LRRTM4: variants seen among roughly 807,000 people sequenced by gnomAD.
The protein encoded by LRRTM4 is leucine rich repeat transmembrane neuronal 4.
Under a neutral mutation model 47.6 loss-of-function variants are expected in LRRTM4, and 25 were observed. The ratio of observed to expected loss-of-function variants is 0.53; its 90% CI spans 0.38 to 0.73. The LOEUF (loss-of-function observed/expected upper bound fraction) is 0.73, where lower values mean the gene tolerates loss of function less well. Among genes scored for constraint, LRRTM4 ranks in the 30% least tolerant of loss-of-function variants. The probability of loss-of-function intolerance (pLI) is 0.00; values close to 1 mark genes in which losing one functional copy is unlikely to be tolerated. For synonymous variants in LRRTM4, 311 were observed against 269.5 expected (o/e 1.15, Z -1.51); for missense variants, 638 against 713.4 (o/e 0.89, Z 1.20).
At chr2:77,011,103 AAT>A (rs1217870780) in intron 3 of LRRTM4, among the ~76,000 whole-genome samples, 3 of 152,164 alleles carry the variant, frequency 2.0e-5, no homozygotes, top group Non-Finnish European at 4.4e-5. Flanking sequence ...GCAAGTCCCA[AAT>A]ATGAGGCACA....
intron 3 of LRRTM4, among the ~76,000 whole-genome samples, chr2:77,326,324 A>G (rs1355852390): frequency 6.6e-6 from 1 of 152,184 alleles, no homozygotes; most frequent in Non-Finnish European, 1.5e-5. Flanking sequence ...CTGTTATAGG[A>G]GCCTCAGGCA....
intron 3 of LRRTM4, among the ~76,000 whole-genome samples, chr2:77,019,940 CAAAT>C (rs1053528922): frequency 7.2e-5 from 11 of 151,808 alleles, no homozygotes; most frequent in African/African-American, 2.2e-4. Context: ...CGAAAGGAAG[CAAAT>C]AAATTATTAT....
intron 3 of LRRTM4, chr2:76,987,633 T>C (rs1012880938): frequency 5.9e-5 from 9 of 151,944 alleles, no homozygotes; most frequent in Non-Finnish European, 1.3e-4. Flanking sequence ...TATTCATCTC[T>C]TATGGTCAGA....
intron 3 of LRRTM4, among the ~76,000 whole-genome samples, chr2:76,967,661 A>T (rs1368904236): frequency 6.6e-6 from 1 of 151,708 alleles, no homozygotes; most frequent in Non-Finnish European, 1.5e-5. Context: ...TGTGCTCTCA[A>T]CGCATGAGGA....
At chr2:76,914,022 A>T (rs1375532448) in intron 3 of LRRTM4, among the ~76,000 whole-genome samples, 2 of 151,696 alleles carry the variant, frequency 1.3e-5, no homozygotes, top group South Asian at 4.1e-4. Context: ...TATAAAATTT[A>T]AAAGTATAAT....
At chr2:76,796,022 A>G (rs971801551) in intron 3 of LRRTM4, among the ~76,000 whole-genome samples, 3 of 129,154 alleles carry the variant, frequency 2.3e-5, no homozygotes, top group Admixed American at 7.6e-5. Context: ...GGGGTCACGG[A>G]GTTCCCTTTC....
At chr2:77,098,200 G>A (rs538053990) in intron 3 of LRRTM4, among the ~76,000 whole-genome samples, 28 of 152,004 alleles carry the variant, frequency 1.8e-4, no homozygotes, top group African/African-American at 5.3e-4. Flanking sequence ...GGAAGAAGGC[G>A]GCCACGATTA....
intron 3 of LRRTM4, among the ~76,000 whole-genome samples, chr2:76,789,821 C>CATATTTCCTG (rs1202696653): frequency 6.6e-5 from 10 of 152,070 alleles, no homozygotes; most frequent in Non-Finnish European, 1.5e-4. Context: ...TTATTTTTTC[C>CATATTTCCTG]ATATTTCCTG....
rs202202388 is a variant in LRRTM4 at position 76,791,003 on chromosome 2, A to G, written c.1552-42087T>C. Reference sequence around the variant, plus strand: ...CCACAGAAGGTATGTTTCCAGTTACATGATAAGCTAGGATGATGGTTACAA... The same window carrying G: ...CCACAGAAGGTATGTTTCCAGTTACGTGATAAGCTAGGATGATGGTTACAA... On this transcript the variant is annotated intron_variant, in intron 3 of 3. Coordinates refer to ENST00000409884, the MANE Select transcript of LRRTM4 (RefSeq NM_001134745.3). 8.5e-5 allele frequency among the ~76,000 whole-genome samples: 13 copies of G among 152,306 alleles called. No individual in the cohort carries two copies. In the South Asian group the frequency reaches 1.4e-3, roughly 17 times the overall value.
intron 3 of LRRTM4, among the ~76,000 whole-genome samples, chr2:76,765,530 T>G (rs1205454690): frequency 6.6e-6 from 1 of 152,162 alleles, no homozygotes; most frequent in Admixed American, 6.5e-5. Flanking sequence ...GTTGGAAAAC[T>G]GATCCACTAG....
At chr2:77,459,281 T>G (rs1438813018) in intron 3 of LRRTM4, among the ~76,000 whole-genome samples, 1 of 152,098 alleles carries the variant, frequency 6.6e-6, no homozygotes, top group African/African-American at 2.4e-5. Context: ...ATGGATCACT[T>G]CAGGGGTAGT....
At chr2:77,294,061 G>A (rs973548975) in intron 3 of LRRTM4, among the ~76,000 whole-genome samples, 5 of 152,100 alleles carry the variant, frequency 3.3e-5, no homozygotes, top group Non-Finnish European at 7.4e-5. Context: ...ATGCATGTGT[G>A]TATGCATATA....
chr2:76,858,212 A>C (rs1158044522), intron 3 of LRRTM4, among the ~76,000 whole-genome samples: 3 of 152,286 alleles, frequency 2.0e-5, no homozygotes, highest in Non-Finnish European at 4.4e-5. Context: ...CTGTAAACAG[A>C]GTAAAGCAGG....
intron 3 of LRRTM4, among the ~76,000 whole-genome samples, chr2:77,307,515 CATATAGATATATAAT>C (rs1430028123): frequency 2.2e-5 from 3 of 139,100 alleles, no homozygotes; most frequent in Non-Finnish European, 3.0e-5. Context: ...ACACACACTA[CATATAGATATATAAT>C]ATATAGATAT....
intron 3 of LRRTM4, among the ~76,000 whole-genome samples, chr2:76,974,814 T>C (rs1676363338): frequency 6.6e-6 from 1 of 151,758 alleles, no homozygotes; most frequent in Admixed American, 6.6e-5. Context: ...TTTTGCACAG[T>C]TTTTGTCTTT....
intron 3 of LRRTM4, among the ~76,000 whole-genome samples, chr2:76,839,839 G>C (rs1478905872): frequency 6.6e-6 from 1 of 151,606 alleles, no homozygotes; most frequent in East Asian, 1.9e-4. Flanking sequence ...TGCATAAAAA[G>C]AAAGTATTTG....
At chr2:77,259,127 T>G (rs1573157116) in intron 3 of LRRTM4, among the ~76,000 whole-genome samples, 1 of 152,030 alleles carries the variant, frequency 6.6e-6, no homozygotes, top group East Asian at 1.9e-4. Context: ...AAAAAAAAAT[T>G]TGTGTTTTTT....
At chr2:77,274,696 C>T (rs1182008993) in intron 3 of LRRTM4, among the ~76,000 whole-genome samples, 1 of 152,084 alleles carries the variant, frequency 6.6e-6, no homozygotes, top group South Asian at 2.1e-4. Flanking sequence ...AGTACAATAG[C>T]TTTTGTGTTT....
intron 3 of LRRTM4, among the ~76,000 whole-genome samples, chr2:76,780,996 C>T (rs1225912746): frequency 1.3e-5 from 2 of 152,254 alleles, no homozygotes; most frequent in African/African-American, 2.4e-5. Flanking sequence ...CCCTCAGCTG[C>T]AGGTCTGTTG....
Sources: gnomAD v4.1 joint callset for allele counts (sites outside exome capture counted in the v4.1 genomes callset) on GRCh38, gnomAD v4.1.1 for gene constraint, MANE v1.5 for transcripts, NCBI Gene and HGNC (gene_info 2026-07-23, HGNC 2026-07-21) for gene names.